The following RXFP2 variants were observed in gnomAD, a reference collection of about 807,000 sequenced individuals.
RXFP2 encodes the protein relaxin family peptide receptor 2.
RXFP2 carries 68 observed loss-of-function variants against 88.6 expected under a neutral mutation model. The ratio of observed to expected loss-of-function variants is 0.77; its 90% CI spans 0.63 to 0.94. RXFP2 has a LOEUF of 0.94. Ranked by LOEUF, RXFP2 falls within the 40% of genes least tolerant of loss-of-function variation. The pLI, the probability that RXFP2 is intolerant of heterozygous loss-of-function variation, is 0.00. For synonymous variants in RXFP2, 329 were observed against 306.8 expected, an observed-to-expected ratio of 1.07 and a Z score of -0.76; for missense variants, 791 against 893.9, an observed-to-expected ratio of 0.88 and a Z score of 1.47.
At chr13:31,796,726 T>C (rs1271762020) in intron 16 of RXFP2, among the ~76,000 whole-genome samples, 1 of 152,242 alleles carries the variant, frequency 6.6e-6, no homozygotes, top group Non-Finnish European at 1.5e-5. Context: ...ACCACTGGGC[T>C]TATATAAAAG....
chr13:31,799,888 A>G (rs1874248587), intron 17 of RXFP2, among the ~76,000 whole-genome samples: 1 of 152,100 alleles, frequency 6.6e-6, no homozygotes. Flanking sequence ...CTGTGTCCTC[A>G]CATGGCAGCA....
At chr13:31,790,394 G>A (rs1332460259) in intron 14 of RXFP2, among the ~76,000 whole-genome samples, 1 of 152,218 alleles carries the variant, frequency 6.6e-6, no homozygotes, top group Non-Finnish European at 1.5e-5. Flanking sequence ...GAAGAAAAGA[G>A]TTCATTATAG....
At chr13:31,740,891 C>T (rs1871204830) in intron 1 of RXFP2, among the ~76,000 whole-genome samples, 1 of 151,936 alleles carries the variant, frequency 6.6e-6, no homozygotes, top group Non-Finnish European at 1.5e-5. Flanking sequence ...ATTTAAGGTC[C>T]TACTTCAGAA....
intron 5 of RXFP2, among the ~76,000 whole-genome samples, chr13:31,768,728 T>C (rs138488464): frequency 2.3e-3 from 348 of 152,306 alleles, no homozygotes; most frequent in African/African-American, 7.8e-3. Context: ...AGCTCAACAA[T>C]GCTTCCTTAA....
intron 1 of RXFP2, among the ~76,000 whole-genome samples, chr13:31,753,704 A>T (rs1386703942): frequency 6.6e-6 from 1 of 152,204 alleles, no homozygotes; most frequent in Non-Finnish European, 1.5e-5. Context: ...TGGAATGATA[A>T]ATGAAGTGCA....
At chr13:31,778,362 GT>G in intron 8 of RXFP2, 149 bp from the exon 9 acceptor site, 1 of 621,318 alleles carries the variant, frequency 1.6e-6, no homozygotes, top group Non-Finnish European at 2.8e-6. Flanking sequence ...CCATACACAT[GT>G]TTTAAAGACC....
At chr13:31,775,160 G>T (rs932162119) in intron 6 of RXFP2, among the ~76,000 whole-genome samples, 158 bp from the exon 7 acceptor site, 1 of 152,096 alleles carries the variant, frequency 6.6e-6, no homozygotes, top group African/African-American at 2.4e-5. Flanking sequence ...TGTACCTTCT[G>T]GATACCCCTT....
At position 31,802,619 on chromosome 13, in the gene RXFP2, A is replaced by G; in HGVS notation, c.*214A>G. The G allele has an allele frequency of 1.7e-6, 1 of 578,568 alleles. No individual in the cohort carries two copies. Among genetic ancestry groups the G allele is most frequent in the Non-Finnish European group, 3.1e-6 (1 of 323,518 alleles). The allele number at this position is 578,568 out of a possible 1,614,324, so 35.8% of individuals were successfully genotyped here. On this transcript the variant is annotated 3_prime_UTR_variant, in exon 18 of 18. Coordinates refer to ENST00000298386, the MANE Select transcript of RXFP2 (RefSeq NM_130806.5). ...CACCAAAGGTTCCTCTCCTCACCCC[A>G]CATGCCTGAAAAGCACATGTGAATT...
intron 11 of RXFP2, among the ~76,000 whole-genome samples, chr13:31,784,729 C>T (rs934257186): frequency 6.6e-6 from 1 of 152,258 alleles, no homozygotes; most frequent in East Asian, 1.9e-4. Flanking sequence ...ACAAGAGACC[C>T]CAACCTGATG....
At chr13:31,783,926 C>G (rs994805110) in intron 11 of RXFP2, among the ~76,000 whole-genome samples, 8 of 151,912 alleles carry the variant, frequency 5.3e-5, no homozygotes, top group Admixed American at 3.9e-4. Flanking sequence ...AAGTGATCCT[C>G]CTGCCTCAGC....
chr13:31,802,261 C>A lies in RXFP2; in HGVS notation c.2121C>A (p.His707Gln). Residue 707 changes from histidine to glutamine, a missense_variant, in exon 18 of 18, where the codon CAC becomes CAA. By Grantham distance (24) the His-to-Gln change is conservative. Transcript: ENST00000298386. The part of the protein sequence containing the change: ...FFKDKLKQLL[H>Q]KHQRKSIFKI... ...AGGACAAGTTGAAACAGCTGCTGCACAAACATCAGAGGAAATCAATTTTCA... is the reference window on the plus strand; with the variant it reads ...AGGACAAGTTGAAACAGCTGCTGCAAAAACATCAGAGGAAATCAATTTTCA... 2 of 1,613,742 alleles carry A rather than the reference C, an allele frequency of 1.2e-6. No individual in the cohort carries two copies. The highest frequency in any genetic ancestry group is 1.7e-6 in the Non-Finnish European group (2 of 1,179,898).
At chr13:31,748,904 G>A (rs1039200932) in intron 1 of RXFP2, among the ~76,000 whole-genome samples, 1 of 152,146 alleles carries the variant, frequency 6.6e-6, no homozygotes, top group African/African-American at 2.4e-5. Context: ...GGCTAAGGCA[G>A]GAGAATCTCT....
In RXFP2 at chr13:31,792,737, C is replaced by T. The variant is rs776757747; in HGVS notation, c.1435C>T (p.Arg479Ter). ...TGTTGGCATTTTCGATATAAAATAC[C>T]GAGGGCAGTATCAGAAGTATGCCTT... ...FFVGIFDIKY[R>*]GQYQKYALLW... Residue 479 changes from arginine (R) to a stop codon, truncating the protein, a stop_gained, in exon 16 of 18, where the codon CGA becomes TGA. Coordinates refer to ENST00000298386, the MANE Select transcript of RXFP2 (RefSeq NM_130806.5). LOFTEE classifies it high-confidence loss of function. 1.4e-5 allele frequency: 22 copies of T among 1,613,900 alleles called. No homozygotes were observed. The highest frequency in any genetic ancestry group is 2.2e-5 in the East Asian group (1 of 44,896).
intron 7 of RXFP2, among the ~76,000 whole-genome samples, chr13:31,776,501 T>A (rs1191042127): frequency 6.6e-6 from 1 of 152,010 alleles, no homozygotes; most frequent in Non-Finnish European, 1.5e-5. Flanking sequence ...GCTCAAGCGA[T>A]CTGCCTGCCT....
At chr13:31,783,188 T>C (rs760088895) in intron 11 of RXFP2, among the ~76,000 whole-genome samples, 7 of 152,250 alleles carry the variant, frequency 4.6e-5, no homozygotes, top group Non-Finnish European at 8.8e-5. Flanking sequence ...ATGACTTATA[T>C]AGCAGGTGAA....
Position 31,797,183 on chromosome 13 carries a change from G to T in RXFP2, c.1787-18G>T. On this transcript the variant is annotated intron_variant, in intron 16 of 17. Coordinates refer to ENST00000298386, the MANE Select transcript of RXFP2 (RefSeq NM_130806.5). ...GACTTTTACGCCTGAGATGTTAAAA[G>T]TGTGCTTTTCCCAACAGGTGTGAAC... is the stretch of plus-strand genomic sequence containing the variant. 2 of 1,545,232 alleles carry T rather than the reference G, an allele frequency of 1.3e-6. No individual in the cohort carries two copies. The highest frequency in any genetic ancestry group is 1.8e-6 in the Non-Finnish European group (2 of 1,117,208).
chr13:31,743,893 C>T (rs981845271), intron 1 of RXFP2, among the ~76,000 whole-genome samples: 1 of 152,108 alleles, frequency 6.6e-6, no homozygotes, highest in Admixed American at 6.5e-5. Context: ...TTCTCGGTAA[C>T]TCTCACACCT....
chr13:31,752,327 C>A (rs1871708533), intron 1 of RXFP2, among the ~76,000 whole-genome samples: 1 of 152,058 alleles, frequency 6.6e-6, no homozygotes, highest in Non-Finnish European at 1.5e-5. Context: ...GGACTTTTAC[C>A]AGCATGAAGT....
At chr13:31,765,565 C>A (rs1049177824) in intron 4 of RXFP2, among the ~76,000 whole-genome samples, 5 of 151,954 alleles carry the variant, frequency 3.3e-5, no homozygotes, top group African/African-American at 1.2e-4. Context: ...GCAAAATTTT[C>A]TGTACTTTGC....
Sources: gnomAD v4.1 joint callset for allele counts (sites outside exome capture counted in the v4.1 genomes callset) on GRCh38, gnomAD v4.1.1 for gene constraint, MANE v1.5 for transcripts, NCBI Gene and HGNC (gene_info 2026-07-23, HGNC 2026-07-21) for gene names.